The following NFS1 variants were observed in gnomAD, a reference collection of about 807,000 sequenced individuals.
NFS1 encodes the protein cysteine desulfurase.
Under a neutral mutation model 57.3 loss-of-function variants are expected in NFS1, and 26 were observed. That is an observed-to-expected ratio of 0.45 (90% CI 0.33 to 0.63). The LOEUF is 0.63. Ranked by LOEUF, NFS1 falls within the 20% of genes least tolerant of loss-of-function variation. The pLI is 0.02. For synonymous variants in NFS1, 209 were observed against 216.3 expected, an observed-to-expected ratio of 0.97 and a Z score of 0.30; for missense variants, 505 against 605.8, an observed-to-expected ratio of 0.83 and a Z score of 1.75.
At chr20:35,686,890 ATAT>A (rs576572828) in intron 5 of NFS1, among the ~76,000 whole-genome samples, 3 of 152,184 alleles carry the variant, frequency 2.0e-5, no homozygotes, top group Non-Finnish European at 4.4e-5. Context: ...CTTTATTCTA[ATAT>A]TATAATAATC....
Position 35,698,763 on chromosome 20 carries a change from A to C in NFS1, c.98-173T>G, listed in dbSNP as rs551734822. Reference sequence around the variant, plus strand: ...CAGATACCTGACACGCTGTAAAAGGAGGTAAGGGAGAGGGAGAGAGGGTTC... The same window carrying C: ...CAGATACCTGACACGCTGTAAAAGGCGGTAAGGGAGAGGGAGAGAGGGTTC... On this transcript the variant is annotated intron_variant, in intron 1 of 12. Transcript: ENST00000374092. 2.8e-4 allele frequency: 399 copies of C among 1,409,278 alleles called. No homozygotes were observed. The African/African-American group carries it at 5.0e-3, about 18-fold the overall frequency. The allele number at this position is 1,409,278 out of a possible 1,614,324, so 87.3% of individuals were successfully genotyped here. A position where few individuals can be genotyped will look rare whatever the true frequency, so the allele number is the denominator to read the frequency against.
At chr20:35,688,543 C>T (rs2034985235) in intron 5 of NFS1, among the ~76,000 whole-genome samples, 1 of 151,984 alleles carries the variant, frequency 6.6e-6, no homozygotes, top group African/African-American at 2.4e-5. Context: ...GGAGACAAGG[C>T]AATATTCCAT....
At chr20:35,683,084 C>CAAAAA (rs2034878029) in intron 5 of NFS1, among the ~76,000 whole-genome samples, 1 of 149,854 alleles carries the variant, frequency 6.7e-6, no homozygotes, top group Non-Finnish European at 1.5e-5. Flanking sequence ...TCTCAAAAAA[C>CAAAAA]AAAACAAAAC....
chr20:35,674,406 A>G lies in NFS1; in HGVS notation c.1080T>C (p.Tyr360=). Residue 360 remains tyrosine (Y), a synonymous_variant, in exon 10 of 13, where the codon TAT becomes TAC. Transcript: ENST00000374092. ...YPGCINLSFA[Y]VEGESLLMAL... is the part of the protein sequence containing the mutation. ...CCATCAGCAGACTTTCCCCTTCCAC[A>G]TATGCAAAGGAGAGGTTGATACAGC... The G allele has an allele frequency of 6.2e-7, 1 of 1,614,102 alleles. No individual in the cohort carries two copies. The highest frequency in any genetic ancestry group is 8.5e-7 in the Non-Finnish European group (1 of 1,180,006).
chr20:35,696,965 G>A (rs1316880069), intron 3 of NFS1, among the ~76,000 whole-genome samples: 3 of 152,138 alleles, frequency 2.0e-5, no homozygotes. Flanking sequence ...ATTTACCCGG[G>A]TGTGGTGGCG....
At chr20:35,696,528 T>C in intron 3 of NFS1, 68 bp from the exon 4 acceptor site, 1 of 1,225,130 alleles carries the variant, frequency 8.2e-7, no homozygotes, top group Non-Finnish European at 1.2e-6. Flanking sequence ...CAGACACAGG[T>C]GGGACAGCCC....
chr20:35,686,918 A>AT (rs1303880001), intron 5 of NFS1, among the ~76,000 whole-genome samples: 1 of 152,204 alleles, frequency 6.6e-6, no homozygotes, highest in African/African-American at 2.4e-5. Flanking sequence ...CTCTACAATC[A>AT]TAACCTAGGA....
intron 5 of NFS1, among the ~76,000 whole-genome samples, chr20:35,683,094 CAAAACAAA>C (rs2034878324): frequency 6.7e-6 from 1 of 150,318 alleles, no homozygotes; most frequent in African/African-American, 2.4e-5. Flanking sequence ...CAAAACAAAA[CAAAACAAA>C]AAAACAAAAA....
intron 8 of NFS1, 112 bp from the exon 9 acceptor site, chr20:35,674,729 C>A: frequency 1.2e-6 from 1 of 843,948 alleles, no homozygotes; most frequent in South Asian, 1.5e-5. Flanking sequence ...CCCCACCTAT[C>A]ATCCTATGTA....
chr20:35,672,432 G>A (rs2034672158), intron 12 of NFS1, among the ~76,000 whole-genome samples: 1 of 152,202 alleles, frequency 6.6e-6, no homozygotes, highest in South Asian at 2.1e-4. Context: ...TTGTATTTTA[G>A]TAGAGACGGG....
intron 6 of NFS1, among the ~76,000 whole-genome samples, chr20:35,681,303 G>T (rs6058296): frequency 0.15 from 22,324 of 152,026 alleles, 1,640 homozygotes; most frequent in Middle Eastern, 0.2. Context: ...CGATCTCTAT[G>T]TGGGGAGAAT....
chr20:35,698,354 C>T, intron 2 of NFS1, 127 bp downstream of exon 2: 2 of 735,306 alleles, frequency 2.7e-6, no homozygotes, highest in Non-Finnish European at 4.5e-6. Context: ...CTCCCGACTC[C>T]TCGCTCAGTG....
intron 4 of NFS1, chr20:35,692,325 G>A: frequency 4.1e-6 from 1 of 241,642 alleles, no homozygotes; most frequent in Admixed American, 4.8e-5. Context: ...AGTGAGCCGA[G>A]ATCATGCCCC....
chr20:35,679,770 C>T (rs1245923421), intron 7 of NFS1, among the ~76,000 whole-genome samples: 1 of 152,072 alleles, frequency 6.6e-6, no homozygotes, highest in Non-Finnish European at 1.5e-5. Context: ...ACCCTGCAGA[C>T]ATAAAAAGGG....
Position 35,690,575 on chromosome 20 carries a change from G to A in NFS1, c.409-10C>T, listed in dbSNP as rs377189048. The A allele has an allele frequency of 5.0e-6, 8 of 1,613,484 alleles. No individual in the cohort carries two copies. In the African/African-American group the frequency reaches 5.3e-5, roughly 11 times the overall value. The stretch of plus-strand genomic sequence containing the variant: ...AGAATCGGGCCACCCCCTAGAAATT[G>A]GTGGTGACAGATGGAAGGAGAACAT... On this transcript the variant is annotated splice_polypyrimidine_tract_variant and intron_variant, in intron 4 of 12. Coordinates refer to ENST00000374092, the MANE Select transcript of NFS1 (RefSeq NM_021100.5).
At chr20:35,672,256 C>CA (rs1555883269) in intron 12 of NFS1, among the ~76,000 whole-genome samples, 6 of 146,508 alleles carry the variant, frequency 4.1e-5, no homozygotes, top group Non-Finnish European at 9.1e-5. Flanking sequence ...CTGTGCCCGG[C>CA]TTTTTTTTTT....
In NFS1 at chr20:35,684,015, A is replaced by T. The variant is rs1601526735; in HGVS notation, c.562-2034T>A. ...GTAATCCCAGCTACTCGGGAGGCTG[A>T]GGTAGGAGAATTGCTTGACCTCGGG... On this transcript the variant is annotated intron_variant, in intron 5 of 12. Transcript: ENST00000374092. 2.6e-5 allele frequency among the ~76,000 whole-genome samples: 4 copies of T among 152,156 alleles called. No individual in the cohort carries two copies. In the South Asian group the frequency reaches 8.3e-4, roughly 32 times the overall value.
intron 4 of NFS1, chr20:35,694,617 T>A (rs2043610507): frequency 6.6e-6 from 1 of 152,148 alleles, no homozygotes; most frequent in African/African-American, 2.4e-5. Context: ...AGTATTTACA[T>A]CAGTAAGTAA....
intron 4 of NFS1, among the ~76,000 whole-genome samples, chr20:35,694,179 T>C (rs1192541392): frequency 1.3e-5 from 2 of 150,356 alleles, no homozygotes; most frequent in Non-Finnish European, 3.0e-5. Context: ...AGTTTCGCCC[T>C]TGTTGCTACA....
Sources: allele counts gnomAD v4.1 joint callset (sites outside exome capture counted in the v4.1 genomes callset), GRCh38; gene constraint gnomAD v4.1.1; transcripts MANE v1.5; gene names NCBI Gene and HGNC (gene_info 2026-07-23, HGNC 2026-07-21).